Variants in CCDC171 observed in about 807,000 individuals in gnomAD.
CCDC171 encodes the protein coiled-coil domain containing 171, also known as coiled-coil domain-containing protein 171.
A neutral mutation model predicts 168.2 loss-of-function variants in CCDC171; 177 were observed. That is an observed-to-expected ratio of 1.05 (90% CI 0.93 to 1.19). The LOEUF (loss-of-function observed/expected upper bound fraction) is 1.19, where lower values mean the gene tolerates loss of function less well. Ranked by LOEUF, CCDC171 falls within the 50% of genes most tolerant of loss-of-function variation. CCDC171 has a pLI of 0.00. For synonymous variants in CCDC171, 687 were observed against 540.8 expected (o/e 1.27, Z -3.75); for missense variants, 1,991 against 1,539.0 (o/e 1.29, Z -4.91).
intron 3 of CCDC171, among the ~76,000 whole-genome samples, chr9:15,984,724 T>A (rs1831929664): frequency 6.6e-6 from 1 of 152,144 alleles, no homozygotes; most frequent in Admixed American, 6.6e-5. Flanking sequence ...TGATTTGATA[T>A]TTGATGAAAA....
In CCDC171 at chr9:15,930,103, AATG is replaced by A. The variant is rs1826334441; in HGVS notation, c.3753+9684_3753+9686del. On this transcript the variant is annotated intron_variant, in intron 25 of 25. Transcript: ENST00000380701. ...CTTAGTCATATTTATAATCCATTATAATGATCAGATTTTAATAAATGCTGCTTG... is the reference window on the plus strand; with the variant it reads ...CTTAGTCATATTTATAATCCATTATAATCAGATTTTAATAAATGCTGCTTG... 1.1e-4 allele frequency among the ~76,000 whole-genome samples: 16 copies of A among 151,738 alleles called. No homozygotes were observed. In the Admixed American group the frequency reaches 1.1e-3, roughly 10 times the overall value.
chr9:15,908,464 A>T (rs1364614313), intron 24 of CCDC171, among the ~76,000 whole-genome samples: 1 of 139,512 alleles, frequency 7.2e-6, no homozygotes, highest in South Asian at 2.5e-4. Context: ...ATGAGAACAC[A>T]TGGACACAGG....
intron 6 of CCDC171, among the ~76,000 whole-genome samples, chr9:16,029,745 C>A (rs1016479934): frequency 2.0e-5 from 3 of 151,998 alleles, no homozygotes; most frequent in Non-Finnish European, 2.9e-5. Flanking sequence ...GACTTGGGAA[C>A]CAAATTGGTG....
At chr9:15,723,605 G>A (rs1426717344) in intron 12 of CCDC171, 76 bp from the exon 13 acceptor site, 19 of 991,296 alleles carry the variant, frequency 1.9e-5, no homozygotes, top group African/African-American at 6.7e-5. Flanking sequence ...TAACTTTTGA[G>A]TTACCCATCC....
chr9:16,040,413 C>G (rs1446884703), upstream of CCDC171, among the ~76,000 whole-genome samples: 9 of 152,302 alleles, frequency 5.9e-5, 1 homozygote, highest in Middle Eastern at 0.024. Flanking sequence ...AGAGTTGTCT[C>G]TGGGCTGGAG....
intron 18 of CCDC171, among the ~76,000 whole-genome samples, chr9:15,761,125 C>T (rs1376653231): frequency 6.6e-6 from 1 of 152,154 alleles, no homozygotes; most frequent in Non-Finnish European, 1.5e-5. Context: ...AGTAGATGGA[C>T]ATAAGTAGAA....
Position 15,817,580 on chromosome 9 carries a change from C to G in CCDC171, c.3268-29122C>G, listed in dbSNP as rs534142357. Among the ~76,000 whole-genome samples, 8 of 118,338 alleles carry G rather than the reference C, an allele frequency of 6.8e-5. 3 individuals carry two copies. The highest frequency in any genetic ancestry group is 1.1e-4 in the Non-Finnish European group (6 of 52,460). The allele number at this position is 118,338 out of a possible 152,430, so 77.6% of individuals were successfully genotyped here. A position where few individuals can be genotyped will look rare whatever the true frequency, so the allele number is the denominator to read the frequency against. On this transcript the variant is annotated intron_variant, in intron 21 of 25. Transcript: ENST00000380701. ...CCTGGCTTGGAGGGTCCTACGCCCACGGAGCCTCGCTCATTGCTAGCACAG... is the reference window on the plus strand; with the variant it reads ...CCTGGCTTGGAGGGTCCTACGCCCAGGGAGCCTCGCTCATTGCTAGCACAG...
chr9:15,673,434 A>G (rs2049276462), intron 9 of CCDC171, among the ~76,000 whole-genome samples: 1 of 152,172 alleles, frequency 6.6e-6, no homozygotes, highest in South Asian at 2.1e-4. Context: ...CTGGTTTTCA[A>G]AGGGAATGCT....
At chr9:15,586,966 C>T (rs758087900) in intron 4 of CCDC171, among the ~76,000 whole-genome samples, 32 of 152,154 alleles carry the variant, frequency 2.1e-4, no homozygotes, top group Admixed American at 3.3e-4. Context: ...TGCCACCACA[C>T]GTGACTAATT....
the CCDC171 span, among the ~76,000 whole-genome samples, chr9:16,095,850 G>GTA: frequency 2.9e-4 from 34 of 115,274 alleles, 1 homozygote; most frequent in African/African-American, 1.0e-3. Context: ...ATGTATGTGT[G>GTA]TATATACACA....
At chr9:16,019,956 T>C (rs1220273646) in intron 3 of CCDC171, among the ~76,000 whole-genome samples, 2 of 152,176 alleles carry the variant, frequency 1.3e-5, no homozygotes, top group African/African-American at 4.8e-5. Flanking sequence ...TCAAGAGATG[T>C]TTGGGGAAAG....
At chr9:15,767,996 A>G (rs963021378) in intron 18 of CCDC171, among the ~76,000 whole-genome samples, 5 of 149,634 alleles carry the variant, frequency 3.3e-5, no homozygotes, top group African/African-American at 7.4e-5. Flanking sequence ...CGGTCTCCCA[A>G]TGTGCTAGCA....
At chr9:15,950,201 C>T (rs1397168971) in intron 25 of CCDC171, among the ~76,000 whole-genome samples, 2 of 151,914 alleles carry the variant, frequency 1.3e-5, no homozygotes, top group African/African-American at 2.4e-5. Context: ...AAACACTCTG[C>T]AGGATATCAT....
chr9:15,858,017 G>A lies in CCDC171; in HGVS notation c.3468+9070G>A, dbSNP rs149192086. Reference sequence around the variant, plus strand: ...TATATATGTATGCATATGTATATATGTTTTTTATTTTTATTTTTGAGGGGG... The same window carrying A: ...TATATATGTATGCATATGTATATATATTTTTTATTTTTATTTTTGAGGGGG... On this transcript the variant is annotated intron_variant, in intron 23 of 25. Coordinates refer to ENST00000380701, the MANE Select transcript of CCDC171 (RefSeq NM_173550.4). Among the ~76,000 whole-genome samples, 896 of 151,646 alleles carry A rather than the reference G, an allele frequency of 5.9e-3. 8 individuals carry two copies. Among genetic ancestry groups the A allele is most frequent in the African/African-American group, 0.021 (874 of 41,316 alleles).
chr9:15,843,596 T>A (rs1003373938), intron 21 of CCDC171, among the ~76,000 whole-genome samples: 1 of 152,094 alleles, frequency 6.6e-6, no homozygotes, highest in Non-Finnish European at 1.5e-5. Context: ...GAGCTGTATG[T>A]TTTTCCTTTA....
At position 15,578,921 on chromosome 9, in the gene CCDC171, C is replaced by G; in HGVS notation, c.250C>G (p.Leu84Val). The G allele has an allele frequency of 3.1e-6, 5 of 1,613,944 alleles. No individual in the cohort carries two copies. The highest frequency in any genetic ancestry group is 3.4e-6 in the Non-Finnish European group (4 of 1,179,908). The change falls in exon 4 of 26, where the codon CTG (leucine) becomes GTG (valine). Residue 84 changes from leucine to valine, a missense_variant. By Grantham distance (32) the Leu-to-Val change is conservative. Transcript: ENST00000380701. ...VEKGEALRQSLEYDLAVARKE... is the reference protein window; with the variant it reads ...VEKGEALRQSVEYDLAVARKE... The stretch of plus-strand genomic sequence containing the variant: ...AAAGGGAGAAGCATTGCGACAAAGT[C>G]TGGAATATGACCTAGCTGTTGCTAG...
At chr9:15,946,554 A>G (rs4961433) in intron 25 of CCDC171, among the ~76,000 whole-genome samples, 49,678 of 151,884 alleles carry the variant, frequency 0.33, 10,339 homozygotes, top group East Asian at 0.65. Context: ...TTCCATGCTC[A>G]TGGGTAGGAA....
chr9:15,897,485 T>C (rs1481263500), intron 24 of CCDC171, among the ~76,000 whole-genome samples: 1 of 152,112 alleles, frequency 6.6e-6, no homozygotes, highest in African/African-American at 2.4e-5. Flanking sequence ...AAATGTTTAT[T>C]GAACAACTAC....
At chr9:15,644,442 G>A (rs900088006) in intron 7 of CCDC171, among the ~76,000 whole-genome samples, 1 of 152,106 alleles carries the variant, frequency 6.6e-6, no homozygotes, top group Non-Finnish European at 1.5e-5. Context: ...AGCAGGGTGA[G>A]GCATCGTCTC....
Sources: allele counts gnomAD v4.1 joint callset (sites outside exome capture counted in the v4.1 genomes callset), GRCh38; gene constraint gnomAD v4.1.1; transcripts MANE v1.5; gene names NCBI Gene and HGNC (gene_info 2026-07-23, HGNC 2026-07-21).